Variants in PTPRD observed in about 807,000 individuals in gnomAD.
PTPRD encodes protein tyrosine phosphatase receptor type D.
Under a neutral mutation model 214.5 loss-of-function variants are expected in PTPRD, and 34 were observed. That is an observed-to-expected ratio of 0.16 (90% confidence interval 0.12 to 0.21). PTPRD has a LOEUF of 0.21. Ranked by LOEUF, PTPRD falls within the 10% of genes least tolerant of loss-of-function variation. The pLI, the probability that PTPRD is intolerant of heterozygous loss-of-function variation, is 1.00. For missense variants in PTPRD, 2,545 were observed against 2,398.7 expected, an observed-to-expected ratio of 1.06 and a Z score of -1.27; for synonymous variants, 1,128 against 845.7, an observed-to-expected ratio of 1.33 and a Z score of -5.79.
chr9:8,713,707 G>C (rs549480198), intron 12 of PTPRD: 2 of 1,509,544 alleles, frequency 1.3e-6, no homozygotes, highest in Non-Finnish European at 1.8e-6. Context: ...GGAAGAGATC[G>C]CGGCCAGCAA....
intron 2 of PTPRD, among the ~76,000 whole-genome samples, chr9:10,372,827 G>T (rs1411560717): frequency 1.4e-4 from 11 of 80,636 alleles, no homozygotes; most frequent in African/African-American, 5.0e-4. Flanking sequence ...CAAAATATTT[G>T]TTTTTATACA....
intron 11 of PTPRD, among the ~76,000 whole-genome samples, chr9:8,942,714 ACT>A (rs893232565): frequency 6.6e-6 from 1 of 152,038 alleles, no homozygotes; most frequent in African/African-American, 2.4e-5. Context: ...GGCTTGGATG[ACT>A]CTGATTTCCT....
intron 2 of PTPRD, among the ~76,000 whole-genome samples, chr9:10,376,548 A>C (rs2097732268): frequency 1.3e-5 from 2 of 151,772 alleles, no homozygotes; most frequent in Non-Finnish European, 2.9e-5. Context: ...AGTTGATTGG[A>C]GGAAAGCAAT....
chr9:8,370,537 A>T (rs2081229473), intron 39 of PTPRD, among the ~76,000 whole-genome samples: 1 of 152,144 alleles, frequency 6.6e-6, no homozygotes, highest in Non-Finnish European at 1.5e-5. Flanking sequence ...TGGCTCCATG[A>T]TTGGTAGCTA....
intron 11 of PTPRD, among the ~76,000 whole-genome samples, chr9:8,778,462 G>A (rs770916167): frequency 9.2e-5 from 14 of 152,102 alleles, no homozygotes; most frequent in Admixed American, 5.9e-4. Flanking sequence ...CAGAGCGACC[G>A]TGTCTGGACA....
intron 3 of PTPRD, among the ~76,000 whole-genome samples, chr9:10,176,190 G>A (rs1564333480): frequency 6.6e-6 from 1 of 151,642 alleles, no homozygotes; most frequent in African/African-American, 2.4e-5. Flanking sequence ...AATATTACAT[G>A]TAAATCCAGT....
At chr9:8,921,885 C>T (rs990077825) in intron 11 of PTPRD, among the ~76,000 whole-genome samples, 4 of 151,980 alleles carry the variant, frequency 2.6e-5, no homozygotes, top group Admixed American at 6.6e-5. Context: ...AATAAACAGT[C>T]CAAAGTGCAT....
At chr9:10,385,514 TCAAAGAATATAAGCTC>T (rs1230115331) in intron 2 of PTPRD, among the ~76,000 whole-genome samples, 2 of 151,796 alleles carry the variant, frequency 1.3e-5, no homozygotes, top group African/African-American at 4.8e-5. Flanking sequence ...GTAAGTAAGT[TCAAAGAATATAAGCTC>T]CAAGTGTGAG....
chr9:10,106,346 T>G (rs1325885354), intron 3 of PTPRD, among the ~76,000 whole-genome samples: 2 of 151,952 alleles, frequency 1.3e-5, no homozygotes, highest in African/African-American at 4.8e-5. Context: ...GTCTATCAAT[T>G]TAATAATTTA....
At chr9:10,298,371 T>C (rs1464660083) in intron 3 of PTPRD, among the ~76,000 whole-genome samples, 1 of 145,256 alleles carries the variant, frequency 6.9e-6, no homozygotes, top group Non-Finnish European at 1.5e-5. Context: ...TAGAGTTCCA[T>C]TGGTTCCAAT....
At chr9:8,507,959 C>G (rs1244942286) in intron 21 of PTPRD, among the ~76,000 whole-genome samples, 2 of 151,996 alleles carry the variant, frequency 1.3e-5, no homozygotes, top group Admixed American at 1.3e-4. Context: ...TTTTTTCTTA[C>G]CAGCCCACAT....
chr9:10,419,190 C>T (rs1053194968), intron 2 of PTPRD, among the ~76,000 whole-genome samples: 9 of 151,896 alleles, frequency 5.9e-5, no homozygotes, highest in Non-Finnish European at 1.3e-4. Flanking sequence ...GTTGCAAAAT[C>T]CCGTAAATGA....
chr9:10,182,588 G>A (rs2099304658), intron 3 of PTPRD, among the ~76,000 whole-genome samples: 2 of 151,934 alleles, frequency 1.3e-5, no homozygotes, highest in Non-Finnish European at 2.9e-5. Context: ...AATTCACAGA[G>A]GGGGAAACCA....
rs115083236 is a variant in PTPRD at position 10,274,764 on chromosome 9, G to A, written c.-545+66199C>T. ...TTAAATATTTTAAAATAACTTAGAA[G>A]CTACATTTACATTTTTCTGTAACTC... On this transcript the variant is annotated intron_variant, in intron 3 of 45. Transcript: ENST00000381196. Among the ~76,000 whole-genome samples the A allele has an allele frequency of 7.0e-3, 1,069 of 152,190 alleles. 17 individuals carry two copies. Among genetic ancestry groups the A allele is most frequent in the African/African-American group, 0.024 (1,007 of 41,538 alleles).
chr9:9,458,898 C>T (rs894396516), intron 8 of PTPRD, among the ~76,000 whole-genome samples: 1 of 152,040 alleles, frequency 6.6e-6, no homozygotes. Flanking sequence ...TAAGATTGCA[C>T]CACCGCAATC....
chr9:10,156,485 G>A (rs940755724), intron 3 of PTPRD, among the ~76,000 whole-genome samples: 2 of 152,064 alleles, frequency 1.3e-5, no homozygotes, highest in African/African-American at 4.8e-5. Flanking sequence ...TTTATTGTGT[G>A]TGCTGTGGTC....
chr9:10,321,586 G>A (rs1290087367), intron 3 of PTPRD, among the ~76,000 whole-genome samples: 1 of 152,056 alleles, frequency 6.6e-6, no homozygotes, highest in Admixed American at 6.6e-5. Flanking sequence ...AAACGATTTT[G>A]AAGGGGTTTT....
chr9:9,690,983 C>G (rs1030418753), intron 7 of PTPRD, among the ~76,000 whole-genome samples: 12 of 151,526 alleles, frequency 7.9e-5, no homozygotes, highest in African/African-American at 2.9e-4. Flanking sequence ...GGATATTTTT[C>G]TATATATTTA....
At chr9:10,429,224 A>ACT (rs2098654178) in intron 2 of PTPRD, among the ~76,000 whole-genome samples, 1 of 152,028 alleles carries the variant, frequency 6.6e-6, no homozygotes, top group Non-Finnish European at 1.5e-5. Context: ...ACTTTTCTAC[A>ACT]CTGTTGGTAG....
Sources: allele counts gnomAD v4.1 joint callset (sites outside exome capture counted in the v4.1 genomes callset), GRCh38; gene constraint gnomAD v4.1.1; transcripts MANE v1.5; gene names NCBI Gene and HGNC (gene_info 2026-07-23, HGNC 2026-07-21).